COL24A1: variants seen among roughly 807,000 people sequenced by gnomAD.
The protein encoded by COL24A1 is collagen type XXIV alpha 1 chain, also known as collagen alpha-1(XXIV) chain.
A neutral mutation model predicts 253.9 loss-of-function variants in COL24A1; 224 were observed. The observed-to-expected ratio is 0.88, with a 90% CI of 0.79 to 0.99. The LOEUF (loss-of-function observed/expected upper bound fraction) is 0.99, where lower values mean the gene tolerates loss of function less well. COL24A1 is among the 50% of genes least tolerant of loss of function. The probability of loss-of-function intolerance (pLI) is 0.00; values close to 1 mark genes in which losing one functional copy is unlikely to be tolerated. For missense variants in COL24A1, 2,131 were observed against 2,068.5 expected (o/e 1.03, Z -0.59); for synonymous variants, 685 against 673.7 (o/e 1.02, Z -0.26).
At chr1:85,859,396 TA>T (rs898077767) in intron 37 of COL24A1, among the ~76,000 whole-genome samples, 3 of 152,202 alleles carry the variant, frequency 2.0e-5, no homozygotes, top group African/African-American at 7.2e-5. Context: ...ATTTTCATAA[TA>T]TTTTTTAGCT....
chr1:85,832,827 C>A (rs973658302), intron 43 of COL24A1, among the ~76,000 whole-genome samples: 4 of 150,342 alleles, frequency 2.7e-5, no homozygotes, highest in Non-Finnish European at 5.9e-5. Context: ...AGATTTTGGG[C>A]CGAGACAATG....
rs539574934 is a variant in COL24A1 at position 86,141,774 on chromosome 1, C to A, written c.121+4345G>T. The stretch of plus-strand genomic sequence containing the variant: ...GGAGTGCACTGGCACGATCTCAGCG[C>A]CCTGCAACCTCTGTCTCCTGGGCTC... On this transcript the variant is annotated intron_variant, in intron 2 of 59. Transcript: ENST00000370571. 8.6e-5 allele frequency among the ~76,000 whole-genome samples: 13 copies of A among 151,896 alleles called. 1 individual carries two copies. In the South Asian group the frequency reaches 2.7e-3, roughly 32 times the overall value.
chr1:85,974,400 G>A (rs1417784153), intron 20 of COL24A1, among the ~76,000 whole-genome samples: 4 of 152,072 alleles, frequency 2.6e-5, no homozygotes, highest in Non-Finnish European at 5.9e-5. Flanking sequence ...ACTATAAAAT[G>A]TAAATTAAGA....
intron 12 of COL24A1, among the ~76,000 whole-genome samples, chr1:86,036,783 A>G (rs1338642238): frequency 2.0e-5 from 3 of 152,144 alleles, no homozygotes; most frequent in Non-Finnish European, 4.4e-5. Flanking sequence ...AGTCTCTATA[A>G]TTTCTTTCTC....
chr1:85,903,877 A>AT (rs1684556872), intron 28 of COL24A1, among the ~76,000 whole-genome samples: 1 of 152,160 alleles, frequency 6.6e-6, no homozygotes, highest in Admixed American at 6.5e-5. Flanking sequence ...AAAAACTAAC[A>AT]TTATCAGTGA....
chr1:85,981,876 C>T (rs938032167), intron 20 of COL24A1, among the ~76,000 whole-genome samples: 21 of 152,100 alleles, frequency 1.4e-4, no homozygotes, highest in Admixed American at 4.6e-4. Context: ...AACAGGATCT[C>T]GCAGGAGTGC....
At chr1:86,123,596 G>T (rs1005205657) in intron 3 of COL24A1, among the ~76,000 whole-genome samples, 1 of 151,992 alleles carries the variant, frequency 6.6e-6, no homozygotes, top group African/African-American at 2.4e-5. Flanking sequence ...GACTATTTTT[G>T]AATTTACAGA....
At chr1:85,925,304 C>T (rs967891957) in intron 24 of COL24A1, among the ~76,000 whole-genome samples, 14 of 152,194 alleles carry the variant, frequency 9.2e-5, no homozygotes, top group African/African-American at 2.6e-4. Context: ...ACTTTCTTCA[C>T]GGAATTGGAA....
intron 3 of COL24A1, among the ~76,000 whole-genome samples, chr1:86,119,461 T>C (rs1317326869): frequency 3.3e-5 from 5 of 152,088 alleles, no homozygotes; most frequent in Non-Finnish European, 7.4e-5. Flanking sequence ...AAGAAGAACA[T>C]ACCTTTTTTA....
At chr1:86,107,574 G>A (rs1246760732) in intron 5 of COL24A1, among the ~76,000 whole-genome samples, 2 of 151,056 alleles carry the variant, frequency 1.3e-5, no homozygotes, top group Non-Finnish European at 2.9e-5. Flanking sequence ...CTGCTCCGTC[G>A]CCCAGGCTGG....
At chr1:86,132,764 T>C (rs1649473939) in intron 2 of COL24A1, among the ~76,000 whole-genome samples, 1 of 152,216 alleles carries the variant, frequency 6.6e-6, no homozygotes, top group African/African-American at 2.4e-5. Flanking sequence ...TTTTGGTTAC[T>C]GTAGCTTTGT....
rs369507164 is a variant in COL24A1, at chr1:85,987,556, T to C, written c.2364+45A>G. 2.0e-5 allele frequency: 31 copies of C among 1,512,244 alleles called. No individual in the cohort carries two copies. In the Admixed American group the frequency reaches 2.5e-4, roughly 12 times the overall value. 93.7% of individuals were successfully genotyped at this position (1,512,244 alleles called of 1,614,324 possible). On this transcript the variant is annotated intron_variant, in intron 20 of 59. Transcript: ENST00000370571. ...CCCATTTATTGAGAATCAGGAGCTC[T>C]AGATAACCATAATTGTTTAGTCTCT...
intron 59 of COL24A1, among the ~76,000 whole-genome samples, chr1:85,731,105 AGGTAGAAAAT>A (rs1663425937): frequency 6.6e-6 from 1 of 152,218 alleles, no homozygotes; most frequent in African/African-American, 2.4e-5. Flanking sequence ...TCTGTATTTT[AGGTAGAAAAT>A]AAACAGAATC....
At chr1:86,020,722 AAAG>A (rs1295685116) in intron 18 of COL24A1, among the ~76,000 whole-genome samples, 1 of 152,230 alleles carries the variant, frequency 6.6e-6, no homozygotes, top group Non-Finnish European at 1.5e-5. Context: ...TATTTAAAAA[AAAG>A]AATATGTAAA....
intron 33 of COL24A1, 100 bp from the exon 34 acceptor site, chr1:85,875,430 G>A: frequency 1.2e-6 from 1 of 848,974 alleles, no homozygotes; most frequent in Non-Finnish European, 2.0e-6. Flanking sequence ...TGTCCAAAAG[G>A]GCATAATTGC....
chr1:86,058,736 CA>C (rs56302028), intron 9 of COL24A1, among the ~76,000 whole-genome samples: 14,931 of 151,892 alleles, frequency 0.098, 805 homozygotes, highest in Middle Eastern at 0.17. Context: ...TACTGTTTCT[CA>C]AATTTTTATA....
intron 20 of COL24A1, among the ~76,000 whole-genome samples, chr1:85,972,075 AAC>A (rs1692225520): frequency 6.6e-6 from 1 of 152,186 alleles, no homozygotes; most frequent in South Asian, 2.1e-4. Context: ...AACACTATAC[AAC>A]ATCTATTCAA....
chr1:85,777,226 G>A (rs889361804), intron 52 of COL24A1, among the ~76,000 whole-genome samples: 2 of 151,994 alleles, frequency 1.3e-5, no homozygotes, highest in African/African-American at 2.4e-5. Context: ...GAGATTACAG[G>A]AGTGAGTCAC....
chr1:85,871,947 C>T (rs1571008471), intron 35 of COL24A1, among the ~76,000 whole-genome samples: 3 of 152,262 alleles, frequency 2.0e-5, no homozygotes, highest in South Asian at 4.1e-4. Context: ...ATTTAGAAAA[C>T]CCCATCGTTT....
Sources: gnomAD v4.1 joint callset for allele counts (sites outside exome capture counted in the v4.1 genomes callset) on GRCh38, gnomAD v4.1.1 for gene constraint, MANE v1.5 for transcripts, NCBI Gene and HGNC (gene_info 2026-07-23, HGNC 2026-07-21) for gene names.